The following FRMD4B variants were observed in gnomAD, a reference collection of about 807,000 sequenced individuals.
The protein encoded by FRMD4B is FERM domain-containing protein 4B.
FRMD4B carries 74 observed loss-of-function variants against 141.5 expected under a neutral mutation model. That is an observed-to-expected ratio of 0.52 (90% CI 0.43 to 0.63). The LOEUF is 0.63. Ranked by LOEUF, FRMD4B falls within the 30% of genes least tolerant of loss-of-function variation. The pLI is 0.00. For missense variants in FRMD4B, 1,366 were observed against 1,253.4 expected (o/e 1.09, Z -1.36); for synonymous variants, 506 against 467.9 (o/e 1.08, Z -1.05).
intron 22 of FRMD4B, among the ~76,000 whole-genome samples, chr3:69,173,335 T>C (rs1017231107): frequency 9.9e-5 from 15 of 152,194 alleles, no homozygotes; most frequent in Non-Finnish European, 1.8e-4. Flanking sequence ...ATTTTATTGG[T>C]AAAAATTAGT....
intron 4 of FRMD4B, 41 bp from the exon 5 acceptor site, chr3:69,287,877 T>C (rs1700742890): frequency 3.2e-6 from 3 of 943,324 alleles, no homozygotes; most frequent in Middle Eastern, 2.1e-4. Context: ...AGATTTATTT[T>C]CACCTCTCAG....
intron 1 of FRMD4B, among the ~76,000 whole-genome samples, chr3:69,321,810 A>C (rs1463987701): frequency 6.6e-6 from 1 of 151,890 alleles, no homozygotes; most frequent in African/African-American, 2.4e-5. Context: ...GACTTCCCCA[A>C]CTTGAGTGAT....
intron 2 of FRMD4B, among the ~76,000 whole-genome samples, chr3:69,410,731 ATATATATATATATATATATAT>A (rs368735067): frequency 0.44 from 35,726 of 81,398 alleles, 5,424 homozygotes; most frequent in Non-Finnish European, 0.49. Flanking sequence ...AAATAAATAT[ATATATATATATATATATATAT>A]ATATATATAT....
intron 4 of FRMD4B, among the ~76,000 whole-genome samples, chr3:69,297,333 A>G (rs910343942): frequency 2.0e-5 from 3 of 151,978 alleles, no homozygotes; most frequent in Non-Finnish European, 4.4e-5. Context: ...GTTTCCTACT[A>G]CAGTAGGAAA....
At chr3:69,445,109 T>G (rs879877320) in intron 1 of FRMD4B, among the ~76,000 whole-genome samples, 1 of 152,068 alleles carries the variant, frequency 6.6e-6, no homozygotes, top group Non-Finnish European at 1.5e-5. Context: ...TGCATACAAG[T>G]GACATACCCG....
At chr3:69,275,715 T>G (rs538562218) in intron 5 of FRMD4B, among the ~76,000 whole-genome samples, 1 of 152,188 alleles carries the variant, frequency 6.6e-6, no homozygotes, top group Admixed American at 6.5e-5. Flanking sequence ...ACAGGTGTCA[T>G]CTACCATGCC....
chr3:69,529,541 A>G (rs1033166302), intron 1 of FRMD4B, among the ~76,000 whole-genome samples: 1 of 152,068 alleles, frequency 6.6e-6, no homozygotes, highest in African/African-American at 2.4e-5. Flanking sequence ...TGTGCTGCCC[A>G]CACTGCCCAC....
chr3:69,299,158 A>G (rs763519043), intron 4 of FRMD4B, among the ~76,000 whole-genome samples: 1 of 152,160 alleles, frequency 6.6e-6, no homozygotes, highest in Non-Finnish European at 1.5e-5. Context: ...CCAATACATA[A>G]TGAATGAAGG....
chr3:69,497,215 C>T (rs1279052965), intron 1 of FRMD4B, among the ~76,000 whole-genome samples: 5 of 152,140 alleles, frequency 3.3e-5, no homozygotes, highest in Non-Finnish European at 7.3e-5. Flanking sequence ...CTCAGCTGAC[C>T]TACAGCTAAT....
intron 1 of FRMD4B, among the ~76,000 whole-genome samples, chr3:69,463,519 T>C (rs969664058): frequency 1.3e-5 from 2 of 152,238 alleles, no homozygotes; most frequent in Non-Finnish European, 2.9e-5. Flanking sequence ...CAGTGCATTA[T>C]AGATCCTAAT....
intron 1 of FRMD4B, among the ~76,000 whole-genome samples, chr3:69,490,223 G>A (rs1011193969): frequency 6.6e-6 from 1 of 152,220 alleles, no homozygotes; most frequent in South Asian, 2.1e-4. Context: ...CATTTTAAAT[G>A]AGATGATGGT....
At chr3:69,253,433 A>C (rs1303817345) in intron 5 of FRMD4B, among the ~76,000 whole-genome samples, 1 of 152,194 alleles carries the variant, frequency 6.6e-6, no homozygotes. Flanking sequence ...GGCTATCTCC[A>C]CTGTTGCTGG....
At chr3:69,339,136 A>G (rs1328455034) in intron 1 of FRMD4B, among the ~76,000 whole-genome samples, 3 of 152,176 alleles carry the variant, frequency 2.0e-5, no homozygotes, top group South Asian at 2.1e-4. Context: ...GTGAAGGTCC[A>G]TGGTGTTCTA....
intron 1 of FRMD4B, chr3:69,535,637 C>A (rs1211220539): frequency 1.5e-5 from 3 of 200,316 alleles, no homozygotes; most frequent in Non-Finnish European, 3.1e-5. Flanking sequence ...GTGGCTCGGT[C>A]TCTCCGCCCC....
intron 22 of FRMD4B, among the ~76,000 whole-genome samples, chr3:69,173,602 T>C (rs886853470): frequency 3.9e-5 from 6 of 152,218 alleles, no homozygotes; most frequent in Non-Finnish European, 5.9e-5. Context: ...GTTATTATCC[T>C]TGCCCTGTTA....
intron 1 of FRMD4B, among the ~76,000 whole-genome samples, chr3:69,490,756 C>T (rs1164430274): frequency 2.6e-5 from 4 of 152,136 alleles, no homozygotes; most frequent in African/African-American, 9.7e-5. Flanking sequence ...TCCCTGAGGA[C>T]GGGAGCTCTG....
At chr3:69,193,503 T>C in intron 17 of FRMD4B, 145 bp downstream of exon 17, 2 of 609,560 alleles carry the variant, frequency 3.3e-6, no homozygotes, top group South Asian at 2.1e-5. Context: ...AGTGAAACTC[T>C]GTCTCCAAAT....
At chr3:69,538,400 T>C (rs1455999310) in intron 1 of FRMD4B, among the ~76,000 whole-genome samples, 1 of 152,220 alleles carries the variant, frequency 6.6e-6, no homozygotes, top group Non-Finnish European at 1.5e-5. Flanking sequence ...AACAGACACA[T>C]GCATCCTGTG....
chr3:69,473,851 C>G (rs1705935157), intron 1 of FRMD4B, among the ~76,000 whole-genome samples: 1 of 152,138 alleles, frequency 6.6e-6, no homozygotes, highest in African/African-American at 2.4e-5. Context: ...CCCAGTAAAT[C>G]CAACAAGAGA....
Sources: gnomAD v4.1 joint callset for allele counts (sites outside exome capture counted in the v4.1 genomes callset) on GRCh38, gnomAD v4.1.1 for gene constraint, MANE v1.5 for transcripts, NCBI Gene and HGNC (gene_info 2026-07-23, HGNC 2026-07-21) for gene names.